The following COL1A2 variants were observed in gnomAD, a reference collection of about 807,000 sequenced individuals.
COL1A2 encodes collagen alpha-2(I) chain.
Under a neutral mutation model 174.3 loss-of-function variants are expected in COL1A2, and 49 were observed. That is an observed-to-expected ratio of 0.28 (90% CI 0.22 to 0.36). The LOEUF (loss-of-function observed/expected upper bound fraction) is 0.36. Ranked by LOEUF, COL1A2 falls within the 10% of genes least tolerant of loss-of-function variation. The probability of loss-of-function intolerance (pLI) is 1.00; values close to 1 mark genes in which losing one functional copy is unlikely to be tolerated. For missense variants in COL1A2, 1,438 were observed against 1,822.7 expected, an observed-to-expected ratio of 0.79 and a Z score of 3.84; for synonymous variants, 655 against 606.6, an observed-to-expected ratio of 1.08 and a Z score of -1.17.
intron 39 of COL1A2, chr7:94,422,705 T>G (rs1376017617): frequency 4.0e-6 from 2 of 504,028 alleles, no homozygotes; most frequent in Non-Finnish European, 7.2e-6. Context: ...GGCATGACAT[T>G]GTTTTTCCTC....
chr7:94,398,968 TATTATCAAGAATG>T (rs1329347833), intron 3 of COL1A2, 68 bp from the exon 4 acceptor site: 9 of 1,367,850 alleles, frequency 6.6e-6, no homozygotes, highest in Non-Finnish European at 8.4e-6. Flanking sequence ...ACCAACTAAT[TATTATCAAGAATG>T]ATTTGTTTGT....
chr7:94,399,323 C>G (rs1245237779), intron 4 of COL1A2, among the ~76,000 whole-genome samples: 3 of 152,138 alleles, frequency 2.0e-5, no homozygotes, highest in African/African-American at 7.2e-5. Context: ...TTTGCATGGT[C>G]TACTTTCTTT....
In COL1A2 at chr7:94,402,281, G is replaced by C. The variant is rs149634014; in HGVS notation, c.279+661G>C. The stretch of plus-strand genomic sequence containing the variant: ...TTCAATGGGCCCTAAACTGTATTAG[G>C]AACTGGGGAAATTACAAGGAATATG... On this transcript the variant is annotated intron_variant, in intron 6 of 51. Transcript: ENST00000297268. Among the ~76,000 whole-genome samples the C allele has an allele frequency of 1.8e-3, 269 of 152,194 alleles. 1 individual carries two copies. Among genetic ancestry groups the C allele is most frequent in the African/African-American group, 6.2e-3 (259 of 41,546 alleles).
At chr7:94,399,181 TCC>T in intron 4 of COL1A2, 97 bp downstream of exon 4, 2 of 1,132,010 alleles carry the variant, frequency 1.8e-6, no homozygotes, top group Non-Finnish European at 2.7e-6. Flanking sequence ...ATATTATGTA[TCC>T]AGATAATTGT....
intron 23 of COL1A2, 96 bp from the exon 24 acceptor site, chr7:94,411,972 C>T (rs1218555428): frequency 1.3e-5 from 13 of 986,738 alleles, no homozygotes; most frequent in East Asian, 2.6e-5. Flanking sequence ...AACAAAAAGT[C>T]GGGGGAAAAG....
intron 6 of COL1A2, among the ~76,000 whole-genome samples, chr7:94,402,873 G>A (rs973407772): frequency 6.6e-6 from 1 of 152,094 alleles, no homozygotes; most frequent in Non-Finnish European, 1.5e-5. Context: ...TATACTCTAA[G>A]GGTGAGATAA....
In COL1A2 at chr7:94,430,245, A is replaced by G; in HGVS notation, c.3955-2A>G. Reference sequence around the variant, plus strand: ...TGTATCTATTTTCTTCTCTTTAAACAGAAAAAGACAAATGAATGGGGAAAG... The same window carrying G: ...TGTATCTATTTTCTTCTCTTTAAACGGAAAAAGACAAATGAATGGGGAAAG... On this transcript the variant is annotated splice_acceptor_variant, in intron 51 of 51. Transcript: ENST00000297268. LOFTEE classifies it high-confidence loss of function. 2 of 1,613,666 alleles carry G rather than the reference A, an allele frequency of 1.2e-6. No homozygotes were observed. Among genetic ancestry groups the G allele is most frequent in the Non-Finnish European group, 1.7e-6 (2 of 1,179,640 alleles).
intron 21 of COL1A2, 136 bp downstream of exon 21, chr7:94,410,663 T>G: frequency 1.1e-6 from 1 of 906,720 alleles, no homozygotes; most frequent in East Asian, 2.6e-5. Flanking sequence ...CCTTATTAAA[T>G]CAGTGACTCT....
rs1485093922 is a variant in COL1A2 at position 94,429,552 on chromosome 7, CTT to C, written c.3954+123_3954+124del. The C allele has an allele frequency of 1.6e-5, 15 of 967,392 alleles. No individual in the cohort carries two copies. The Admixed American group carries it at 3.0e-4, about 20-fold the overall frequency. 59.9% of individuals were successfully genotyped at this position (967,392 alleles called of 1,614,324 possible). A position where few individuals can be genotyped will look rare whatever the true frequency, so the allele number is the denominator to read the frequency against. ...AAGAACAGAAGAATGAGAGAACTAA[CTT>C]ATTTCATAAGTAAATTCAGTTTTTG... On this transcript the variant is annotated intron_variant, in intron 51 of 51. Transcript: ENST00000297268.
At position 94,429,476 on chromosome 7, in the gene COL1A2, AG is replaced by A. The variant is rs373778124; in HGVS notation, c.3954+51del. 56 of 1,609,316 alleles carry A rather than the reference AG, an allele frequency of 3.5e-5. No homozygotes were observed. In the Middle Eastern group the frequency reaches 4.9e-4, roughly 14 times the overall value. ...GGAATAGCTTTGGGAAGTGGGATGG[AG>A]GGGGTTCTAACTTAGACTGCCCCCA... On this transcript the variant is annotated intron_variant, in intron 51 of 51. Transcript: ENST00000297268.
At chr7:94,403,629 C>T (rs1319059061) in intron 6 of COL1A2, among the ~76,000 whole-genome samples, 2 of 152,100 alleles carry the variant, frequency 1.3e-5, no homozygotes, top group East Asian at 3.9e-4. Context: ...ATTAAAATGA[C>T]ATACATTTTA....
intron 6 of COL1A2, among the ~76,000 whole-genome samples, chr7:94,403,781 G>A (rs1469360449): frequency 5.3e-5 from 8 of 152,100 alleles, no homozygotes; most frequent in African/African-American, 9.7e-5. Flanking sequence ...CAGACCCTAC[G>A]GATGAGCTTA....
At chr7:94,402,511 T>TATGATG (rs140793239) in intron 6 of COL1A2, among the ~76,000 whole-genome samples, 2 of 151,730 alleles carry the variant, frequency 1.3e-5, no homozygotes, top group African/African-American at 2.4e-5. Context: ...ACATTCCCTA[T>TATGATG]ATGATGATGA....
At chr7:94,414,112 AC>A (rs1396334036) in intron 28 of COL1A2, 109 bp from the exon 29 acceptor site, 1 of 1,323,694 alleles carries the variant, frequency 7.6e-7, no homozygotes, top group African/African-American at 1.4e-5. Flanking sequence ...TTAATAACAT[AC>A]AATCGTGCTC....
At chr7:94,413,291 A>G (rs1393953292) in intron 26 of COL1A2, among the ~76,000 whole-genome samples, 155 bp downstream of exon 26, 2 of 152,196 alleles carry the variant, frequency 1.3e-5, no homozygotes, top group African/African-American at 2.4e-5. Context: ...TTTAAAAACC[A>G]AACTTATAAA....
intron 23 of COL1A2, among the ~76,000 whole-genome samples, chr7:94,411,582 T>C (rs748595187): frequency 6.6e-6 from 1 of 152,184 alleles, no homozygotes; most frequent in Non-Finnish European, 1.5e-5. Flanking sequence ...ACACTAGCTA[T>C]GGAGAAATAA....
chr7:94,395,130 A>G, intron 1 of COL1A2, 29 bp downstream of exon 1: 2 of 1,602,482 alleles, frequency 1.2e-6, no homozygotes, highest in Non-Finnish European at 8.6e-7. Context: ...TTTGGGGGAG[A>G]CTGGGTAGAG....
chr7:94,428,158 C>T (rs1332255101), intron 49 of COL1A2, 135 bp from the exon 50 acceptor site: 3 of 880,478 alleles, frequency 3.4e-6, no homozygotes, highest in African/African-American at 1.7e-5. Context: ...AAAATAGCCA[C>T]CCTCTTCCTC....
intron 24 of COL1A2, 33 bp downstream of exon 24, chr7:94,412,154 A>C: frequency 6.3e-7 from 1 of 1,585,764 alleles, no homozygotes; most frequent in Non-Finnish European, 8.6e-7. Flanking sequence ...TATATTTTCA[A>C]GGACACTTAT....
Sources: allele counts gnomAD v4.1 joint callset (sites outside exome capture counted in the v4.1 genomes callset), GRCh38; gene constraint gnomAD v4.1.1; transcripts MANE v1.5; gene names NCBI Gene and HGNC (gene_info 2026-07-23, HGNC 2026-07-21).